Variants in CCDC171 observed in about 807,000 individuals in gnomAD.
CCDC171 encodes coiled-coil domain-containing protein 171.
A neutral mutation model predicts 168.2 loss-of-function variants in CCDC171; 177 were observed. The ratio of observed to expected loss-of-function variants is 1.05; its 90% CI spans 0.93 to 1.19. The LOEUF is 1.19. Ranked by LOEUF, CCDC171 falls within the 50% of genes most tolerant of loss-of-function variation. The pLI is 0.00. For missense variants in CCDC171, 1,991 were observed against 1,539.0 expected (o/e 1.29, Z -4.91); for synonymous variants, 687 against 540.8 (o/e 1.27, Z -3.75).
intron 7 of CCDC171, among the ~76,000 whole-genome samples, chr9:15,635,843 G>A (rs75194367): frequency 0.011 from 1,691 of 152,200 alleles, 34 homozygotes; most frequent in African/African-American, 0.038. Context: ...TAACTATATG[G>A]TTAACATTTT....
At chr9:15,777,387 AT>A (rs998951248) in intron 18 of CCDC171, among the ~76,000 whole-genome samples, 2 of 152,014 alleles carry the variant, frequency 1.3e-5, no homozygotes, top group Non-Finnish European at 2.9e-5. Flanking sequence ...ATACATGCAG[AT>A]TTTTTTTGAT....
intron 25 of CCDC171, among the ~76,000 whole-genome samples, chr9:15,953,426 A>G (rs1395541035): frequency 1.3e-5 from 2 of 152,150 alleles, no homozygotes; most frequent in Non-Finnish European, 2.9e-5. Context: ...GTATGCGTGT[A>G]TCGAGATGAT....
intron 25 of CCDC171, among the ~76,000 whole-genome samples, chr9:15,931,656 T>C (rs1438134239): frequency 1.3e-5 from 2 of 151,610 alleles, no homozygotes; most frequent in Non-Finnish European, 2.9e-5. Flanking sequence ...TTGTTTTTGT[T>C]GCCTGTGTTT....
chr9:15,747,405 G>A (rs1292097880), intron 18 of CCDC171, among the ~76,000 whole-genome samples: 1 of 152,150 alleles, frequency 6.6e-6, no homozygotes, highest in South Asian at 2.1e-4. Context: ...CTCGAATAAC[G>A]GGCAGACTGC....
At chr9:16,067,040 G>A in the CCDC171 span, among the ~76,000 whole-genome samples, 4 of 152,194 alleles carry the variant, frequency 2.6e-5, no homozygotes, top group African/African-American at 9.6e-5. Context: ...TTGCCACACT[G>A]ACTTCCACAG....
Position 15,815,869 on chromosome 9 carries a change from T to C in CCDC171, c.3268-30833T>C, listed in dbSNP as rs1318697067. On this transcript the variant is annotated intron_variant, in intron 21 of 25. Coordinates refer to ENST00000380701, the MANE Select transcript of CCDC171 (RefSeq NM_173550.4). ...TTTATCTTCCTACTGACTTATACCA[T>C]TGAGACCTATAAGACAGTTAATTAT... is the stretch of plus-strand genomic sequence containing the variant. Among the ~76,000 whole-genome samples, 4 of 117,244 alleles carry C rather than the reference T, an allele frequency of 3.4e-5. 2 individuals are homozygous for C. Among genetic ancestry groups the C allele is most frequent in the African/African-American group, 6.3e-5 (2 of 31,498 alleles). The allele number at this position is 117,244 out of a possible 152,430, so 76.9% of individuals were successfully genotyped here. A position where few individuals can be genotyped will look rare whatever the true frequency, so the allele number is the denominator to read the frequency against.
intron 7 of CCDC171, among the ~76,000 whole-genome samples, chr9:15,649,905 A>C (rs1017829507): frequency 1.3e-5 from 2 of 152,208 alleles, no homozygotes; most frequent in African/African-American, 2.4e-5. Flanking sequence ...CTGGGTATAC[A>C]CCCAAAGGAT....
upstream of CCDC171, among the ~76,000 whole-genome samples, chr9:16,040,258 C>T (rs1050683024): frequency 6.6e-6 from 1 of 152,180 alleles, no homozygotes; most frequent in Non-Finnish European, 1.5e-5. Context: ...TCCTGGAGCC[C>T]CTCTTTCCTT....
In CCDC171 at chr9:15,779,096, G is replaced by C; in HGVS notation, c.3027G>C (p.Lys1009Asn). The C allele has an allele frequency of 3.1e-6, 5 of 1,602,128 alleles. No individual in the cohort carries two copies. The highest frequency in any genetic ancestry group is 4.3e-6 in the Non-Finnish European group (5 of 1,174,882). The change falls in exon 20 of 26, where the codon AAG becomes AAC. Residue 1009 changes from lysine to asparagine, a missense_variant. Transcript: ENST00000380701. ...AACGAAGTGTGAATGAAATGAAAAAGGAGCTTGACAAAGCCCAGGGTCTGC... is the reference window on the plus strand; with the variant it reads ...AACGAAGTGTGAATGAAATGAAAAACGAGCTTGACAAAGCCCAGGGTCTGC... Reference protein sequence around the residue: ...EFKRSVNEMKKELDKAQGLQM... With the variant: ...EFKRSVNEMKNELDKAQGLQM...
chr9:15,915,456 G>A lies in CCDC171; in HGVS notation c.3601-4814G>A, dbSNP rs139970328. Among the ~76,000 whole-genome samples the A allele has an allele frequency of 5.6e-3, 858 of 151,956 alleles. 8 individuals carry two copies. Among genetic ancestry groups the A allele is most frequent in the Non-Finnish European group, 5.8e-3 (396 of 67,960 alleles). On this transcript the variant is annotated intron_variant, in intron 24 of 25. Coordinates refer to ENST00000380701, the MANE Select transcript of CCDC171 (RefSeq NM_173550.4). Reference sequence around the variant, plus strand: ...GTGTATGGAAATGCTGCTGATTTGTGTACATTAATTTTGCATCCTGAAACT... The same window carrying A: ...GTGTATGGAAATGCTGCTGATTTGTATACATTAATTTTGCATCCTGAAACT...
In CCDC171 at chr9:15,651,114, AT is replaced by A. The variant is rs1210550059; in HGVS notation, c.823-6000del. Among the ~76,000 whole-genome samples the A allele has an allele frequency of 7.0e-3, 1,012 of 144,706 alleles. 7 individuals are homozygous for A. Among genetic ancestry groups the A allele is most frequent in the African/African-American group, 0.022 (875 of 39,650 alleles). The allele number at this position is 144,706 out of a possible 152,430, so 94.9% of individuals were successfully genotyped here. A position where few individuals can be genotyped will look rare whatever the true frequency, so the allele number is the denominator to read the frequency against. Reference sequence around the variant, plus strand: ...TACTTTTATTTTTTAATTTTTTAGAATTTTTTTTTTTTTGAGATGAAGTCTC... The same window carrying A: ...TACTTTTATTTTTTAATTTTTTAGAATTTTTTTTTTTTGAGATGAAGTCTC... On this transcript the variant is annotated intron_variant, in intron 7 of 25. Transcript: ENST00000380701.
intron 25 of CCDC171, among the ~76,000 whole-genome samples, chr9:15,943,833 G>A (rs1002842369): frequency 1.5e-4 from 23 of 151,956 alleles, no homozygotes; most frequent in African/African-American, 5.1e-4. Flanking sequence ...CTCCTGTAGT[G>A]CAATAAGGTG....
intron 24 of CCDC171, among the ~76,000 whole-genome samples, chr9:15,919,864 A>AT (rs1216205992): frequency 6.6e-6 from 1 of 151,648 alleles, no homozygotes; most frequent in Admixed American, 6.6e-5. Flanking sequence ...TGGTTTAAAA[A>AT]TTTTACTAAC....
chr9:15,611,934 A>T (rs74897378), intron 6 of CCDC171, among the ~76,000 whole-genome samples: 3,143 of 152,180 alleles, frequency 0.021, 104 homozygotes, highest in African/African-American at 0.072. Flanking sequence ...TCTTCAGGAG[A>T]TTATTAGGTC....
intron 11 of CCDC171, among the ~76,000 whole-genome samples, chr9:15,715,328 T>C (rs1302085471): frequency 6.6e-6 from 1 of 152,204 alleles, no homozygotes; most frequent in Admixed American, 6.5e-5. Flanking sequence ...TGCAAGATAA[T>C]GAAAGATGTT....
intron 11 of CCDC171, among the ~76,000 whole-genome samples, chr9:15,698,952 A>G (rs1003513726): frequency 6.6e-6 from 1 of 152,196 alleles, no homozygotes; most frequent in African/African-American, 2.4e-5. Flanking sequence ...CAGTGCAGGT[A>G]TCCCTTTGAT....
At chr9:15,908,902 C>T (rs765465568) in intron 24 of CCDC171, among the ~76,000 whole-genome samples, 1 of 152,104 alleles carries the variant, frequency 6.6e-6, no homozygotes, top group Non-Finnish European at 1.5e-5. Context: ...CCCACCAGGT[C>T]CCGCTTCCAG....
chr9:15,930,265 C>A (rs16933815), intron 25 of CCDC171, among the ~76,000 whole-genome samples: 2,157 of 151,456 alleles, frequency 0.014, 53 homozygotes, highest in African/African-American at 0.049. Context: ...CTTTAATTTC[C>A]ATCAAACTGT....
chr9:15,635,553 A>T (rs540637986), intron 7 of CCDC171, among the ~76,000 whole-genome samples: 3 of 152,156 alleles, frequency 2.0e-5, no homozygotes, highest in Non-Finnish European at 2.9e-5. Flanking sequence ...CTGGCAGCTG[A>T]TTAGATGGTG....
Sources: allele counts gnomAD v4.1 joint callset (sites outside exome capture counted in the v4.1 genomes callset), GRCh38; gene constraint gnomAD v4.1.1; transcripts MANE v1.5; gene names NCBI Gene and HGNC (gene_info 2026-07-23, HGNC 2026-07-21).